AAK1: variants seen among roughly 807,000 people sequenced by gnomAD.
The protein encoded by AAK1 is AP2-associated protein kinase 1.
A neutral mutation model predicts 116.0 loss-of-function variants in AAK1; 37 were observed. The observed-to-expected ratio is 0.32, with a 90% confidence interval of 0.25 to 0.42. The LOEUF (loss-of-function observed/expected upper bound fraction) is 0.42, where lower values mean the gene tolerates loss of function less well. Among genes scored for constraint, AAK1 ranks in the 10% least tolerant of loss-of-function variants. The pLI is 1.00. For synonymous variants in AAK1, 458 were observed against 439.9 expected (o/e 1.04, Z -0.51); for missense variants, 919 against 1,170.6 (o/e 0.79, Z 3.14).
At position 69,471,676 on chromosome 2, in the gene AAK1, C is replaced by A; in HGVS notation, c.*4193G>T. 1.0e-6 allele frequency: 1 copy of A among 985,302 alleles called. No individual in the cohort carries two copies. The highest frequency in any genetic ancestry group is 4.7e-5 in the South Asian group (1 of 21,276). The allele number at this position is 985,302 out of a possible 1,614,324, so 61.0% of individuals were successfully genotyped here. On this transcript the variant is annotated 3_prime_UTR_variant, in exon 22 of 22. Transcript: ENST00000409085. ...AGGACTCTGGGAAATCACAGAAAAA[C>A]CTTATCAAGAGAGACTTTATTTTGG...
chr2:69,469,279 C>T lies in AAK1; in HGVS notation c.*6590G>A, dbSNP rs1340669680. 96 of 985,286 alleles carry T rather than the reference C, an allele frequency of 9.7e-5. No homozygotes were observed. Among genetic ancestry groups the T allele is most frequent in the Non-Finnish European group, 1.1e-4 (93 of 829,942 alleles). 61.0% of individuals were successfully genotyped at this position (985,286 alleles called of 1,614,324 possible). On this transcript the variant is annotated 3_prime_UTR_variant, in exon 22 of 22. Transcript: ENST00000409085. Reference sequence around the variant, plus strand: ...GGGGAAGCCCAGACCTCCACATTCCCTTAAGGAATTCTGGTGGTGGCAGCA... The same window carrying T: ...GGGGAAGCCCAGACCTCCACATTCCTTTAAGGAATTCTGGTGGTGGCAGCA...
At chr2:69,613,268 G>T (rs1674166419) in intron 2 of AAK1, among the ~76,000 whole-genome samples, 1 of 152,144 alleles carries the variant, frequency 6.6e-6, no homozygotes, top group Non-Finnish European at 1.5e-5. Context: ...ATATTTGGTC[G>T]TTGCCCCTGA....
chr2:69,514,751 T>C lies in AAK1; in HGVS notation c.1498-2A>G. 6.3e-7 allele frequency: 1 copy of C among 1,578,722 alleles called. No individual in the cohort carries two copies. Among genetic ancestry groups the C allele is most frequent in the Non-Finnish European group, 8.6e-7 (1 of 1,160,932 alleles). On this transcript the variant is annotated splice_acceptor_variant, in intron 12 of 21. Transcript: ENST00000409085. LOFTEE classifies it high-confidence loss of function. ...GGTTGCTGGATGTACTGCCTGAAAC[T>C]GAGCAAGAAATGAGGAGATGAATAA...
intron 2 of AAK1, among the ~76,000 whole-genome samples, chr2:69,640,076 C>CTG (rs1675648105): frequency 6.6e-6 from 1 of 150,464 alleles, no homozygotes; most frequent in Non-Finnish European, 1.5e-5. Context: ...CTCTCTCTCT[C>CTG]TCTCCCCCCC....
rs1674810273 is a variant in AAK1, at chr2:69,475,236, C to CT, written c.*632dup. The CT allele has an allele frequency of 1.0e-6, 1 of 985,756 alleles. No individual in the cohort carries two copies. Among genetic ancestry groups the CT allele is most frequent in the Non-Finnish European group, 1.2e-6 (1 of 829,980 alleles). 61.1% of individuals were successfully genotyped at this position (985,756 alleles called of 1,614,324 possible). On this transcript the variant is annotated 3_prime_UTR_variant, in exon 22 of 22. Coordinates refer to ENST00000409085, the MANE Select transcript of AAK1 (RefSeq NM_014911.5). ...TTGCATGGGGTGTAAAATCCCTTGG[C>CT]TAAGTCTATGATCAAACAAGGTCAA...
intron 10 of AAK1, among the ~76,000 whole-genome samples, chr2:69,522,411 G>A (rs1193132246): frequency 6.6e-6 from 1 of 152,168 alleles, no homozygotes; most frequent in Non-Finnish European, 1.5e-5. Context: ...TTGGGGAAGT[G>A]GTGATATAAA....
At chr2:69,596,445 C>T (rs1185659317) in intron 2 of AAK1, among the ~76,000 whole-genome samples, 1 of 152,196 alleles carries the variant, frequency 6.6e-6, no homozygotes, top group South Asian at 2.1e-4. Flanking sequence ...TGGTCTTGAA[C>T]TCCTGACCTT....
At chr2:69,518,557 G>A (rs1676685673) in intron 12 of AAK1, among the ~76,000 whole-genome samples, 2 of 151,860 alleles carry the variant, frequency 1.3e-5, no homozygotes, top group African/African-American at 2.4e-5. Flanking sequence ...TAGCTGGGAC[G>A]ACAGGCTTGC....
chr2:69,509,103 A>T (rs753295758), intron 14 of AAK1, 128 bp downstream of exon 14: 20 of 745,158 alleles, frequency 2.7e-5, no homozygotes, highest in Non-Finnish European at 4.3e-5. Context: ...AAAATAAACA[A>T]ACACAAGTAC....
chr2:69,642,603 G>C (rs115153885), intron 2 of AAK1, among the ~76,000 whole-genome samples: 2 of 151,704 alleles, frequency 1.3e-5, no homozygotes, highest in Admixed American at 6.6e-5. Flanking sequence ...ACGTTTTCTT[G>C]TGTGATCCTC....
At position 69,462,328 on chromosome 2, in the gene AAK1, C is replaced by T. The variant is rs1483308266; in HGVS notation, c.*13541G>A. The T allele has an allele frequency of 1.3e-5, 2 of 151,340 alleles. No homozygotes were observed. Among genetic ancestry groups the T allele is most frequent in the Admixed American group, 6.6e-5 (1 of 15,220 alleles). The allele number at this position is 151,340 out of a possible 1,614,324, so 9.4% of individuals were successfully genotyped here. A position where few individuals can be genotyped will look rare whatever the true frequency, so the allele number is the denominator to read the frequency against. On this transcript the variant is annotated 3_prime_UTR_variant, in exon 22 of 22. Transcript: ENST00000409085. Reference sequence around the variant, plus strand: ...GCACATGTATACATATGTAACTAACCTGCACATTGTGCACATGTACCCTAA... The same window carrying T: ...GCACATGTATACATATGTAACTAACTTGCACATTGTGCACATGTACCCTAA...
Position 69,460,739 on chromosome 2 carries a change from T to C in AAK1, c.*15130A>G. The C allele has an allele frequency of 6.6e-6, 1 of 152,222 alleles. No individual in the cohort carries two copies. Among genetic ancestry groups the C allele is most frequent in the Non-Finnish European group, 1.5e-5 (1 of 68,042 alleles). The allele number at this position is 152,222 out of a possible 1,614,324, so 9.4% of individuals were successfully genotyped here. A position where few individuals can be genotyped will look rare whatever the true frequency, so the allele number is the denominator to read the frequency against. ...TCAGCATCAAATTGTGTTCATCCCA[T>C]TTTCTAATCTAACCAAGCACTTGGA... On this transcript the variant is annotated 3_prime_UTR_variant, in exon 22 of 22. Transcript: ENST00000409085.
intron 2 of AAK1, among the ~76,000 whole-genome samples, chr2:69,601,286 C>T (rs1673567510): frequency 6.6e-6 from 1 of 152,226 alleles, no homozygotes; most frequent in South Asian, 2.1e-4. Context: ...ACTTGTGTGA[C>T]TCATACAACT....
At chr2:69,614,355 C>G (rs1320206369) in intron 2 of AAK1, among the ~76,000 whole-genome samples, 1 of 152,118 alleles carries the variant, frequency 6.6e-6, no homozygotes, top group Non-Finnish European at 1.5e-5. Flanking sequence ...ACAGGTGTAA[C>G]AGCTGGAAGG....
intron 12 of AAK1, among the ~76,000 whole-genome samples, chr2:69,518,661 C>T (rs1445696760): frequency 1.3e-5 from 2 of 152,096 alleles, no homozygotes; most frequent in African/African-American, 2.4e-5. Context: ...TCGTGATCCA[C>T]CTGTCTCGGC....
Position 69,471,088 on chromosome 2 carries a change from G to A in AAK1, c.*4781C>T, listed in dbSNP as rs376360516. ...TGCTTTGTCTTCTTGGGAAGGACGCGTTAAAGACCTATGATAAACACACAT... is the reference window on the plus strand; with the variant it reads ...TGCTTTGTCTTCTTGGGAAGGACGCATTAAAGACCTATGATAAACACACAT... On this transcript the variant is annotated 3_prime_UTR_variant, in exon 22 of 22. Transcript: ENST00000409085. The A allele has an allele frequency of 3.6e-5, 35 of 985,632 alleles. No individual in the cohort carries two copies. The highest frequency in any genetic ancestry group is 8.7e-5 in the African/African-American group (5 of 57,178). The allele number at this position is 985,632 out of a possible 1,614,324, so 61.1% of individuals were successfully genotyped here.
At chr2:69,521,216 T>G (rs2105000888) in intron 10 of AAK1, among the ~76,000 whole-genome samples, 1 of 152,304 alleles carries the variant, frequency 6.6e-6, no homozygotes, top group African/African-American at 2.4e-5. Flanking sequence ...ACTGAGTGGC[T>G]CTCCTTCTAG....
intron 12 of AAK1, 42 bp downstream of exon 12, chr2:69,518,912 G>T: frequency 6.7e-7 from 1 of 1,495,626 alleles, no homozygotes; most frequent in South Asian, 1.3e-5. Flanking sequence ...TCACAGTCAT[G>T]ACTCAGATAT....
intron 2 of AAK1, among the ~76,000 whole-genome samples, chr2:69,587,122 T>C (rs1388533172): frequency 6.6e-6 from 1 of 151,920 alleles, no homozygotes; most frequent in Non-Finnish European, 1.5e-5. Flanking sequence ...TCTTGTTCTG[T>C]TGCCCAGGCT....
Sources: gnomAD v4.1 joint callset for allele counts (sites outside exome capture counted in the v4.1 genomes callset) on GRCh38, gnomAD v4.1.1 for gene constraint, MANE v1.5 for transcripts, NCBI Gene and HGNC (gene_info 2026-07-23, HGNC 2026-07-21) for gene names.